RNF10: variants seen among roughly 807,000 people sequenced by gnomAD.
RNF10 encodes E3 ubiquitin-protein ligase RNF10.
A neutral mutation model predicts 91.4 loss-of-function variants in RNF10; 38 were observed. The ratio of observed to expected loss-of-function variants is 0.42; its 90% CI spans 0.32 to 0.54. RNF10 has a LOEUF of 0.54. Among genes scored for constraint, RNF10 ranks in the 20% least tolerant of loss-of-function variants. The probability of loss-of-function intolerance (pLI) is 0.16; values close to 1 mark genes in which losing one functional copy is unlikely to be tolerated. For synonymous variants in RNF10, 364 were observed against 366.3 expected (o/e 0.99, Z 0.07); for missense variants, 945 against 1,012.0 (o/e 0.93, Z 0.90).
chr12:120,572,359 C>T (rs1435292060), intron 14 of RNF10, among the ~76,000 whole-genome samples: 2 of 152,132 alleles, frequency 1.3e-5, no homozygotes, highest in African/African-American at 2.4e-5. Context: ...AGCCACCATG[C>T]CCGGCCATTG....
intron 12 of RNF10, 138 bp from the exon 13 acceptor site, chr12:120,566,686 TG>T: frequency 1.3e-6 from 1 of 780,420 alleles, no homozygotes; most frequent in Non-Finnish European, 2.0e-6. Flanking sequence ...CGCTTGAGCC[TG>T]GGAGGCAGAG....
intron 2 of RNF10, among the ~76,000 whole-genome samples, chr12:120,552,253 G>C (rs527829267): frequency 6.6e-6 from 1 of 151,806 alleles, no homozygotes; most frequent in Non-Finnish European, 1.5e-5. Flanking sequence ...AAATCAGCTG[G>C]GTGTGGTTTA....
intron 1 of RNF10, among the ~76,000 whole-genome samples, chr12:120,540,390 C>T (rs887727840): frequency 6.6e-6 from 1 of 152,158 alleles, no homozygotes; most frequent in African/African-American, 2.4e-5. Flanking sequence ...TAAAACTTCA[C>T]CCATAGTTCC....
At chr12:120,549,958 C>A (rs1872806668) in intron 2 of RNF10, among the ~76,000 whole-genome samples, 1 of 152,102 alleles carries the variant, frequency 6.6e-6, no homozygotes, top group East Asian at 1.9e-4. Context: ...GTATTCCGGT[C>A]TGGACAACAG....
intron 2 of RNF10, among the ~76,000 whole-genome samples, chr12:120,551,456 G>T (rs573382345): frequency 5.3e-5 from 8 of 151,040 alleles, no homozygotes; most frequent in Non-Finnish European, 1.5e-5. Flanking sequence ...CACTGCACCC[G>T]GCTAGTTTTT....
intron 6 of RNF10, among the ~76,000 whole-genome samples, chr12:120,559,062 ATTAT>A (rs1565959830): frequency 1.9e-5 from 1 of 52,702 alleles, no homozygotes; most frequent in East Asian, 6.8e-4. Flanking sequence ...TTAATTTTAA[ATTAT>A]TTTTTTTATT....
intron 11 of RNF10, 35 bp from the exon 12 acceptor site, chr12:120,565,393 T>G: frequency 1.3e-6 from 2 of 1,592,884 alleles, no homozygotes; most frequent in Non-Finnish European, 1.7e-6. Flanking sequence ...CATGTTGTCC[T>G]GGGTCTACCT....
chr12:120,560,777 T>A lies in RNF10; in HGVS notation c.1019T>A (p.Val340Glu). ...TTGCTGCTGGCCTCTAAGGAGCAGG[T>A]GCTGCACCGGGTAGTTCTGGAGGAG... ...SKLLLASKEQ[V>E]LHRVVLEEKV... is the part of the protein sequence containing the mutation. Residue 340 changes from valine to glutamate, a missense_variant, in exon 7 of 17, where the codon GTG (valine) becomes GAG (glutamate). Transcript: ENST00000325954. 1 of 1,614,148 alleles carries A rather than the reference T, an allele frequency of 6.2e-7. No homozygotes were observed. The highest frequency in any genetic ancestry group is 8.5e-7 in the Non-Finnish European group (1 of 1,180,018).
At chr12:120,542,533 T>C (rs1184469279) in intron 1 of RNF10, among the ~76,000 whole-genome samples, 1 of 152,088 alleles carries the variant, frequency 6.6e-6, no homozygotes, top group South Asian at 2.1e-4. Context: ...TAGGTAAAAG[T>C]TTAGTTTTTA....
In RNF10 at chr12:120,576,705, T is replaced by G. The variant is rs750795022; in HGVS notation, c.*39T>G. ...GGCTACCTTCTCCATCTGGTTTTTG[T>G]TTTTGTTTTTTTTTCCCCCATGCTT... On this transcript the variant is annotated 3_prime_UTR_variant, in exon 17 of 17. Coordinates refer to ENST00000325954, the MANE Select transcript of RNF10 (RefSeq NM_014868.5). The G allele has an allele frequency of 2.8e-5, 44 of 1,591,246 alleles. No individual in the cohort carries two copies. The Admixed American group carries it at 6.4e-4, about 23-fold the overall frequency.
chr12:120,570,184 CTTT>C (rs11378458), intron 13 of RNF10: 8 of 112,348 alleles, frequency 7.1e-5, no homozygotes, highest in Non-Finnish European at 1.3e-4. Context: ...CACACCCAGC[CTTT>C]TTTTTTTTTT....
In RNF10 at chr12:120,563,909, C is replaced by G; in HGVS notation, c.1631C>G (p.Thr544Ser). 1 of 1,614,164 alleles carries G rather than the reference C, an allele frequency of 6.2e-7. No homozygotes were observed. The highest frequency in any genetic ancestry group is 8.5e-7 in the Non-Finnish European group (1 of 1,180,034). The part of the protein sequence containing the change: ...LERSPEKISA[T>S]VVEIAGYSMS... ...AGGAGCCCCGAGAAGATCTCAGCAACTGTGGTGGAGATTGCTGGCTACTCC... is the reference window on the plus strand; with the variant it reads ...AGGAGCCCCGAGAAGATCTCAGCAAGTGTGGTGGAGATTGCTGGCTACTCC... The change falls in exon 10 of 17, where the codon ACT (threonine) becomes AGT (serine). Residue 544 changes from threonine to serine, a missense_variant. Transcript: ENST00000325954.
chr12:120,557,726 C>A (rs1874248914), intron 6 of RNF10, 44 bp downstream of exon 6: 3 of 1,602,562 alleles, frequency 1.9e-6, no homozygotes, highest in Admixed American at 1.7e-5. Context: ...TGGGTACATT[C>A]TTTAAGGTGA....
At chr12:120,544,762 A>G (rs1342359134) in intron 1 of RNF10, among the ~76,000 whole-genome samples, 2 of 152,248 alleles carry the variant, frequency 1.3e-5, no homozygotes, top group Admixed American at 6.5e-5. Context: ...TTTAATGACC[A>G]TATTTTATCT....
Position 120,546,434 on chromosome 12 carries a change from T to A in RNF10, c.187T>A (p.Tyr63Asn). ...DGKNSSGSKRYNRKRELSYPK... is the reference protein window; with the variant it reads ...DGKNSSGSKRNNRKRELSYPK... The stretch of plus-strand genomic sequence containing the variant: ...AAAGAACTCCAGTGGATCCAAGCGT[T>A]ATAATCGCAAACGTGAACTTTCCTA... Residue 63 changes from tyrosine (Y) to asparagine (N), a missense_variant, in exon 2 of 17, where the codon TAT (tyrosine) becomes AAT (asparagine). Coordinates refer to ENST00000325954, the MANE Select transcript of RNF10 (RefSeq NM_014868.5). 6.2e-7 allele frequency: 1 copy of A among 1,613,786 alleles called. No homozygotes were observed. The highest frequency in any genetic ancestry group is 8.5e-7 in the Non-Finnish European group (1 of 1,179,910).
intron 4 of RNF10, 119 bp downstream of exon 4, chr12:120,554,927 T>A: frequency 1.3e-6 from 1 of 783,826 alleles, no homozygotes; most frequent in Non-Finnish European, 2.2e-6. Flanking sequence ...CTGGCCTTTC[T>A]ATAGATGTTT....
intron 7 of RNF10, 147 bp downstream of exon 7, chr12:120,561,033 T>C: frequency 1.2e-6 from 1 of 853,888 alleles, no homozygotes; most frequent in East Asian, 2.7e-5. Flanking sequence ...TTTAAGACAA[T>C]AAGCAGAGAA....
At chr12:120,544,026 G>A (rs1410612381) in intron 1 of RNF10, among the ~76,000 whole-genome samples, 3 of 151,634 alleles carry the variant, frequency 2.0e-5, no homozygotes, top group East Asian at 3.9e-4. Context: ...TCAGGAGGTC[G>A]AGACCAGCCT....
At chr12:120,556,456 G>A (rs1191937694) in intron 4 of RNF10, among the ~76,000 whole-genome samples, 4 of 147,556 alleles carry the variant, frequency 2.7e-5, no homozygotes, top group Admixed American at 1.4e-4. Flanking sequence ...GCGTGAACCC[G>A]GGAGATGGAG....
Sources: gnomAD v4.1 joint callset for allele counts (sites outside exome capture counted in the v4.1 genomes callset) on GRCh38, gnomAD v4.1.1 for gene constraint, MANE v1.5 for transcripts, NCBI Gene and HGNC (gene_info 2026-07-23, HGNC 2026-07-21) for gene names.